The following SLC35E4 variants were observed in gnomAD, a reference collection of about 807,000 sequenced individuals.
The protein encoded by SLC35E4 is solute carrier family 35 member E4.
In SLC35E4, 15 loss-of-function variants were observed where a neutral mutation model predicts 19.3. The observed-to-expected ratio is 0.78, with a 90% confidence interval of 0.52 to 1.20. The LOEUF (loss-of-function observed/expected upper bound fraction) is 1.20, where lower values mean the gene tolerates loss of function less well. Ranked by LOEUF, SLC35E4 falls within the 50% of genes most tolerant of loss-of-function variation. SLC35E4 has a pLI of 0.00. For missense variants in SLC35E4, 406 were observed against 472.3 expected (o/e 0.86, Z 1.30); for synonymous variants, 219 against 219.9 (o/e 1.00, Z 0.04).
downstream of SLC35E4, among the ~76,000 whole-genome samples, chr22:30,651,371 T>TTTTTTG (rs1555899345): frequency 4.9e-5 from 2 of 41,202 alleles, no homozygotes; most frequent in African/African-American, 2.2e-4. Context: ...TGGCTAATTT[T>TTTTTTG]TGTGTGTGTG....
At chr22:30,642,679 T>C (rs940303512) in intron 1 of SLC35E4, among the ~76,000 whole-genome samples, 3 of 145,362 alleles carry the variant, frequency 2.1e-5, no homozygotes, top group African/African-American at 7.7e-5. Context: ...AGGCGGAGGT[T>C]GCAGTGAGCC....
downstream of SLC35E4, among the ~76,000 whole-genome samples, chr22:30,651,683 C>T (rs1389636896): frequency 6.6e-6 from 1 of 151,740 alleles, no homozygotes; most frequent in Non-Finnish European, 1.5e-5. Context: ...CTAGGGAAGA[C>T]CTGTTGTTGT....
intron 2 of SLC35E4, among the ~76,000 whole-genome samples, chr22:30,655,134 G>A (rs993107712): frequency 1.3e-5 from 2 of 152,054 alleles, no homozygotes; most frequent in Non-Finnish European, 2.9e-5. Context: ...TGCAGGGTCT[G>A]GCCCAGGGTT....
exon 3 of SLC35E4, chr22:30,662,215 G>T (rs1049951541): frequency 2.6e-5 from 4 of 152,220 alleles, no homozygotes; most frequent in African/African-American, 7.2e-5. Flanking sequence ...CACACACCAT[G>T]TGCCAGGCAC....
chr22:30,660,314 T>TG (rs879913662), intron 2 of SLC35E4, among the ~76,000 whole-genome samples: 39 of 151,674 alleles, frequency 2.6e-4, no homozygotes, highest in Non-Finnish European at 5.3e-4. Flanking sequence ...GAAAAAAATT[T>TG]TTTTTTTGAA....
rs917883198 is a variant in SLC35E4 at position 30,636,945 on chromosome 22, C to T, written c.495C>T (p.Ala165=). 1.2e-6 allele frequency: 2 copies of T among 1,612,192 alleles called. No homozygotes were observed. The highest frequency in any genetic ancestry group is 1.1e-5 in the South Asian group (1 of 90,982). Residue 165 remains alanine, a synonymous_variant, in exon 1 of 2, where the codon GCC becomes GCT. Coordinates refer to ENST00000343605, the MANE Select transcript of SLC35E4 (RefSeq NM_001001479.4). ...GCCGCCACCACCCACTTCAGTTGGC[C>T]GCCATGGGTCCGCTCTGCCTGGGGG... ...LGRRHHPLQL[A]AMGPLCLGAA...
intron 2 of SLC35E4, chr22:30,661,647 G>A (rs2088472922): frequency 6.6e-6 from 1 of 152,130 alleles, no homozygotes; most frequent in African/African-American, 2.4e-5. Context: ...TGGAGCCACA[G>A]TTTGGTGTCA....
At chr22:30,651,027 G>C (rs2088199965), downstream of SLC35E4, among the ~76,000 whole-genome samples, 1 of 147,120 alleles carries the variant, frequency 6.8e-6, no homozygotes, top group Admixed American at 6.9e-5. Context: ...TCCTTGTTTG[G>C]CCTGGCCCCC....
Position 30,636,555 on chromosome 22 carries a change from TGGCAGCCCTCAGGCCCTCC to T in SLC35E4, c.113_131del (p.Pro38LeufsTer85). 6.4e-7 allele frequency: 1 copy of T among 1,569,122 alleles called. No individual in the cohort carries two copies. The highest frequency in any genetic ancestry group is 8.6e-7 in the Non-Finnish European group (1 of 1,156,996). ...CGGCTGGGCCCCCCGAGTGGCCCCC[TGGCAGCCCTCAGGCCCTCC>T]GGCAGCCTGGCCGGGCCCGAGTGGC... On this transcript the variant is annotated frameshift_variant, in exon 1 of 2. Coordinates refer to ENST00000343605, the MANE Select transcript of SLC35E4 (RefSeq NM_001001479.4). LOFTEE classifies it high-confidence loss of function.
downstream of SLC35E4, chr22:30,667,752 G>C (rs1279714140): frequency 1.3e-5 from 2 of 152,840 alleles, no homozygotes; most frequent in African/African-American, 2.4e-5. Context: ...TGGCGAAGCA[G>C]GGTCAGCTCA....
intron 1 of SLC35E4, among the ~76,000 whole-genome samples, chr22:30,643,531 A>T (rs2088080532): frequency 6.6e-6 from 1 of 152,096 alleles, no homozygotes; most frequent in Non-Finnish European, 1.5e-5. Flanking sequence ...TGATCTGGGA[A>T]TGGGAAACAG....
downstream of SLC35E4, among the ~76,000 whole-genome samples, chr22:30,665,943 G>A (rs933131374): frequency 4.6e-5 from 7 of 152,162 alleles, no homozygotes; most frequent in African/African-American, 1.7e-4. Context: ...GGGGCTGGGT[G>A]GGGATGGGGG....
rs777212011 is a variant in SLC35E4 at position 30,636,423 on chromosome 22, G to A, written c.-28G>A. 56 of 1,450,334 alleles carry A rather than the reference G, an allele frequency of 3.9e-5. 2 individuals are homozygous for A. The South Asian group carries it at 7.0e-4, about 18-fold the overall frequency. The allele number at this position is 1,450,334 out of a possible 1,614,324, so 89.8% of individuals were successfully genotyped here. A position where few individuals can be genotyped will look rare whatever the true frequency, so the allele number is the denominator to read the frequency against. ...CCCAGAGGTCGTCACTGGGGAGCCC[G>A]CCTCCTGCCCTAGCCTCACTGGTGC... On this transcript the variant is annotated 5_prime_UTR_variant, in exon 1 of 2. Transcript: ENST00000343605.
intron 1 of SLC35E4, among the ~76,000 whole-genome samples, chr22:30,640,861 T>A (rs540409767): frequency 3.9e-4 from 59 of 152,174 alleles, no homozygotes; most frequent in African/African-American, 1.3e-3. Flanking sequence ...GAGAAGGAAG[T>A]GGGCACACCA....
chr22:30,651,103 C>T (rs1437127632), downstream of SLC35E4, among the ~76,000 whole-genome samples: 2 of 151,952 alleles, frequency 1.3e-5, no homozygotes, highest in African/African-American at 4.8e-5. Flanking sequence ...AATCCTCCAC[C>T]ACTGCACTAA....
chr22:30,666,386 C>T (rs1010294862), downstream of SLC35E4, among the ~76,000 whole-genome samples: 6 of 152,088 alleles, frequency 3.9e-5, no homozygotes, highest in East Asian at 1.9e-4. Context: ...TTTGGAAGGC[C>T]GAGGCGGGCA....
chr22:30,654,510 G>A (rs896895511), intron 2 of SLC35E4: 18 of 427,726 alleles, frequency 4.2e-5, no homozygotes, highest in Non-Finnish European at 5.6e-5. Context: ...ACCTTGAGGC[G>A]GTCTTGGGCG....
chr22:30,661,082 C>T (rs2088451210), intron 2 of SLC35E4, among the ~76,000 whole-genome samples: 1 of 152,192 alleles, frequency 6.6e-6, no homozygotes, highest in Non-Finnish European at 1.5e-5. Flanking sequence ...CTCAAGTGAT[C>T]TGGCCACCTC....
chr22:30,637,543 C>G (rs1167421045), intron 1 of SLC35E4, among the ~76,000 whole-genome samples: 1 of 152,084 alleles, frequency 6.6e-6, no homozygotes, highest in African/African-American at 2.4e-5. Flanking sequence ...CGTGAGCCAC[C>G]CCACCTGGTC....
Sources: allele counts gnomAD v4.1 joint callset (sites outside exome capture counted in the v4.1 genomes callset), GRCh38; gene constraint gnomAD v4.1.1; transcripts MANE v1.5; gene names NCBI Gene and HGNC (gene_info 2026-07-23, HGNC 2026-07-21).